FAM13B: variants seen among roughly 807,000 people sequenced by gnomAD.
FAM13B encodes the protein family with sequence similarity 13 member B.
FAM13B carries 60 observed loss-of-function variants against 117.3 expected under a neutral mutation model. The ratio of observed to expected loss-of-function variants is 0.51; its 90% CI spans 0.42 to 0.63. FAM13B has a LOEUF of 0.63. Ranked by LOEUF, FAM13B falls within the 30% of genes least tolerant of loss-of-function variation. FAM13B has a pLI of 0.00. For synonymous variants in FAM13B, 332 were observed against 356.1 expected (o/e 0.93, Z 0.76); for missense variants, 972 against 1,091.9 (o/e 0.89, Z 1.55).
At chr5:137,940,783 T>C (rs918759516) in intron 23 of FAM13B, among the ~76,000 whole-genome samples, 2 of 152,240 alleles carry the variant, frequency 1.3e-5, no homozygotes, top group African/African-American at 4.8e-5. Context: ...TTTATAGTAA[T>C]GACCCAATGC....
intron 10 of FAM13B, among the ~76,000 whole-genome samples, chr5:137,971,728 GA>G (rs1198528769): frequency 6.8e-6 from 1 of 146,758 alleles, no homozygotes; most frequent in East Asian, 2.0e-4. Context: ...GACTAATAAA[GA>G]AAAAAAGAGA....
intron 4 of FAM13B, among the ~76,000 whole-genome samples, chr5:138,016,646 A>G (rs762272968): frequency 1.4e-4 from 21 of 152,244 alleles, no homozygotes; most frequent in Non-Finnish European, 3.1e-4. Flanking sequence ...AAACAACAAC[A>G]ACGAATAAAT....
chr5:138,023,676 C>G (rs114132761), intron 1 of FAM13B, among the ~76,000 whole-genome samples: 1,731 of 152,252 alleles, frequency 0.011, 28 homozygotes, highest in African/African-American at 0.04. Flanking sequence ...CTACGTGATC[C>G]TCCTACCTCA....
At position 138,032,808 on chromosome 5, in the gene FAM13B, T is replaced by G; in HGVS notation, c.-229A>C. 1.0e-6 allele frequency: 1 copy of G among 985,762 alleles called. No homozygotes were observed. The highest frequency in any genetic ancestry group is 1.2e-6 in the Non-Finnish European group (1 of 829,960). The allele number at this position is 985,762 out of a possible 1,614,324, so 61.1% of individuals were successfully genotyped here. A position where few individuals can be genotyped will look rare whatever the true frequency, so the allele number is the denominator to read the frequency against. ...GTTGGAACCGCGATGCCCCGTTCCC[T>G]GGCCGCGGCCGCTTCTCCAGGACCC... On this transcript the variant is annotated 5_prime_UTR_variant, in exon 1 of 24. Transcript: ENST00000689681.
chr5:137,981,077 ATTTTTTTTTTTTTTTTT>A (rs56799832), intron 10 of FAM13B, among the ~76,000 whole-genome samples: 1 of 60,454 alleles, frequency 1.7e-5, no homozygotes, highest in East Asian at 5.8e-4. Context: ...ACACCTGGCT[ATTTTTTTTTTTTTTTTT>A]TTTTTTTTTT....
At chr5:137,994,869 T>A (rs1779480241) in intron 7 of FAM13B, among the ~76,000 whole-genome samples, 1 of 152,196 alleles carries the variant, frequency 6.6e-6, no homozygotes, top group South Asian at 2.1e-4. Context: ...AACCACTTAC[T>A]CCAGTCACTA....
chr5:137,965,122 CTG>C, intron 10 of FAM13B, among the ~76,000 whole-genome samples: 1 of 151,802 alleles, frequency 6.6e-6, no homozygotes, highest in East Asian at 2.0e-4. Flanking sequence ...TGAGTGGAGA[CTG>C]TGCCACTGCA....
At position 138,007,080 on chromosome 5, in the gene FAM13B, T is replaced by C. The variant is rs771136645; in HGVS notation, c.758A>G (p.Glu253Gly). 2 of 1,613,716 alleles carry C rather than the reference T, an allele frequency of 1.2e-6. No individual in the cohort carries two copies. The highest frequency in any genetic ancestry group is 1.7e-6 in the Non-Finnish European group (2 of 1,179,858). The change falls in exon 7 of 24, where the codon GAG becomes GGG. Residue 253 changes from glutamate to glycine, a missense_variant. Coordinates refer to ENST00000689681, the MANE Select transcript of FAM13B (RefSeq NM_001385994.1). ...KLEHIEELPE[E>G]GAEKSNDMPE... ...CATGTCATTTGATTTTTCTGCACCC[T>C]CTTCTGGAAGTTCTTCAATATGTTC...
intron 13 of FAM13B, among the ~76,000 whole-genome samples, chr5:137,957,205 G>GT (rs1447228249): frequency 2.0e-5 from 3 of 152,158 alleles, no homozygotes; most frequent in Admixed American, 6.5e-5. Context: ...AGGGTCTAAA[G>GT]TAAGTTGGTC....
chr5:138,018,495 T>C lies in FAM13B; in HGVS notation c.177A>G (p.Gly59=). 6.2e-7 allele frequency: 1 copy of C among 1,614,112 alleles called. No homozygotes were observed. Among genetic ancestry groups the C allele is most frequent in the Non-Finnish European group, 8.5e-7 (1 of 1,180,004 alleles). ...IEEHGGLEQQ[G]LFQVNGNAET... Reference sequence around the variant, plus strand: ...CAGCATTTCCATTGACTTGAAAAAGTCCTTGTTGCTCCAGACCTCCTACGT... The same window carrying C: ...CAGCATTTCCATTGACTTGAAAAAGCCCTTGTTGCTCCAGACCTCCTACGT... Residue 59 remains glycine (G), a synonymous_variant, in exon 4 of 24, where the codon GGA becomes GGG. Coordinates refer to ENST00000689681, the MANE Select transcript of FAM13B (RefSeq NM_001385994.1).
intron 18 of FAM13B, 30 bp from the exon 19 acceptor site, chr5:137,946,341 A>AT: frequency 1.4e-6 from 2 of 1,437,458 alleles, no homozygotes; most frequent in South Asian, 2.6e-5. Context: ...ATAACAAAAT[A>AT]CAAAAAAAAA....
rs1770703808 is a variant in FAM13B at position 137,968,208 on chromosome 5, C to G, written c.1180-5739G>C. The stretch of plus-strand genomic sequence containing the variant: ...TTGCACTCCAATCTGGGCGACAGAG[C>G]AAGACTGTCTCAAAAAAAAAAAAAA... On this transcript the variant is annotated intron_variant, in intron 10 of 23. Coordinates refer to ENST00000689681, the MANE Select transcript of FAM13B (RefSeq NM_001385994.1). Among the ~76,000 whole-genome samples the G allele has an allele frequency of 3.2e-5, 3 of 93,362 alleles. No homozygotes were observed. The Admixed American group carries it at 4.5e-4, about 14-fold the overall frequency. The allele number at this position is 93,362 out of a possible 152,430, so 61.2% of individuals were successfully genotyped here.
intron 4 of FAM13B, 143 bp from the exon 5 acceptor site, chr5:138,012,088 G>A: frequency 1.8e-6 from 1 of 547,792 alleles, no homozygotes; most frequent in Non-Finnish European, 3.1e-6. Flanking sequence ...GGGGCCAAAT[G>A]CCTTAGGGCT....
chr5:137,951,595 GCTGC>G (rs1765049510), intron 17 of FAM13B, among the ~76,000 whole-genome samples: 1 of 152,046 alleles, frequency 6.6e-6, no homozygotes, highest in Non-Finnish European at 1.5e-5. Flanking sequence ...CCAGTTCAAG[GCTGC>G]AGTGAGCCAT....
At position 137,956,205 on chromosome 5, in the gene FAM13B, C is replaced by T. The variant is rs529597129; in HGVS notation, c.1507+272G>A. 1.8e-3 allele frequency among the ~76,000 whole-genome samples: 270 copies of T among 152,274 alleles called. 3 individuals are homozygous for T. The highest frequency in any genetic ancestry group is 6.0e-3 in the African/African-American group (250 of 41,556). On this transcript the variant is annotated intron_variant, in intron 14 of 23. Coordinates refer to ENST00000689681, the MANE Select transcript of FAM13B (RefSeq NM_001385994.1). Reference sequence around the variant, plus strand: ...TGAGAATTAAAAATTGGGTACAAAGCGTGCAATCCCACAATAAACCCAACA... The same window carrying T: ...TGAGAATTAAAAATTGGGTACAAAGTGTGCAATCCCACAATAAACCCAACA...
At chr5:138,048,208 C>A (rs1241520652) in intron 1 of FAM13B, among the ~76,000 whole-genome samples, 1 of 152,170 alleles carries the variant, frequency 6.6e-6, no homozygotes, top group Non-Finnish European at 1.5e-5. Context: ...GTTTGAGCCA[C>A]TAAGTTTGTG....
chr5:137,967,549 G>A (rs1662734574), intron 10 of FAM13B, among the ~76,000 whole-genome samples: 1 of 151,800 alleles, frequency 6.6e-6, no homozygotes, highest in Non-Finnish European at 1.5e-5. Context: ...AACCAAAAAG[G>A]AAAAATACCA....
chr5:137,976,880 A>G (rs2150468709), intron 10 of FAM13B, among the ~76,000 whole-genome samples: 1 of 152,342 alleles, frequency 6.6e-6, no homozygotes, highest in South Asian at 2.1e-4. Flanking sequence ...GTGTTTGAAC[A>G]ATATGAAATC....
At chr5:137,951,318 T>C (rs2150200782) in intron 17 of FAM13B, among the ~76,000 whole-genome samples, 1 of 151,620 alleles carries the variant, frequency 6.6e-6, no homozygotes, top group Admixed American at 6.6e-5. Context: ...TGTTCACTGC[T>C]ATATCCCTAG....
Sources: allele counts gnomAD v4.1 joint callset (sites outside exome capture counted in the v4.1 genomes callset), GRCh38; gene constraint gnomAD v4.1.1; transcripts MANE v1.5; gene names NCBI Gene and HGNC (gene_info 2026-07-23, HGNC 2026-07-21).